NFATC1: variants seen among roughly 807,000 people sequenced by gnomAD.
NFATC1 encodes the protein nuclear factor of activated T-cells, cytoplasmic 1.
Under a neutral mutation model 76.0 loss-of-function variants are expected in NFATC1, and 22 were observed. The observed-to-expected ratio is 0.29, with a 90% CI of 0.21 to 0.41. NFATC1 has a LOEUF of 0.41. NFATC1 is among the 10% of genes least tolerant of loss of function. The pLI is 1.00. For synonymous variants in NFATC1, 704 were observed against 613.1 expected (o/e 1.15, Z -2.19); for missense variants, 1,357 against 1,337.7 (o/e 1.01, Z -0.23).
In NFATC1 at chr18:79,448,797, G is replaced by A. The variant is rs775803764; in HGVS notation, c.1402G>A (p.Glu468Lys). The change falls in exon 4 of 10, where the codon GAG becomes AAG. Residue 468 changes from glutamate (E) to lysine (K), a missense_variant. Physicochemically the swap from Glu to Lys is moderately conservative, Grantham distance 56. This residue lies in a region of NFATC1 where 242 missense variants were observed against 329.2 expected (regional missense o/e 0.74). Transcript: ENST00000427363. ...CTCTCGCCAGCTGCATGGCTACTTGGAGAATGAGCCGCTGATGCTGCAGCT... is the reference window on the plus strand; with the variant it reads ...CTCTCGCCAGCTGCATGGCTACTTGAAGAATGAGCCGCTGATGCTGCAGCT... ...HPIVQLHGYL[E>K]NEPLMLQLFI... 4 of 1,613,510 alleles carry A rather than the reference G, an allele frequency of 2.5e-6. No homozygotes were observed. The highest frequency in any genetic ancestry group is 1.3e-5 in the African/African-American group (1 of 74,952).
chr18:79,427,529 C>T (rs1324388750), intron 2 of NFATC1, among the ~76,000 whole-genome samples: 1 of 7,302 alleles, frequency 1.4e-4, no homozygotes, highest in Non-Finnish European at 2.6e-4. Flanking sequence ...GGCCTCTGTG[C>T]AGTGGGTGGG....
chr18:79,524,321 C>T lies in NFATC1; in HGVS notation c.2783-3207C>T, dbSNP rs1450589624. 1.3e-5 allele frequency among the ~76,000 whole-genome samples: 2 copies of T among 152,232 alleles called. No individual in the cohort carries two copies. Among genetic ancestry groups the T allele is most frequent in the Admixed American group, 6.5e-5 (1 of 15,288 alleles). On this transcript the variant is annotated intron_variant, in intron 9 of 9. Coordinates refer to ENST00000427363, the MANE Select transcript of NFATC1 (RefSeq NM_001278669.2). This position sits in a 1 kb window ranked among gnomAD's most constrained non-coding sequence, Gnocchi z 7.2. ...ACAGGCCGTGTCTGCGGGGCGAGCA[C>T]GGCTCCACGTACGGCTCTCGTCCGC...
At chr18:79,444,844 G>A (rs942580938) in intron 3 of NFATC1, among the ~76,000 whole-genome samples, 2 of 152,184 alleles carry the variant, frequency 1.3e-5, no homozygotes, top group African/African-American at 2.4e-5. Flanking sequence ...CCACACTCAC[G>A]GAGGCTTCTG....
chr18:79,410,576 T>A lies in NFATC1; in HGVS notation c.301T>A (p.Phe101Ile). 6.2e-7 allele frequency: 1 copy of A among 1,611,920 alleles called. No individual in the cohort carries two copies. The highest frequency in any genetic ancestry group is 2.2e-5 in the East Asian group (1 of 44,832). ...TTTGGACGGTGGGCCCGCGGGCTACTTCCTCTCCTCCGGCCACACCAGGCC... is the reference window on the plus strand; with the variant it reads ...TTTGGACGGTGGGCCCGCGGGCTACATCCTCTCCTCCGGCCACACCAGGCC... ...AALDGGPAGY[F>I]LSSGHTRPDG... Residue 101 changes from phenylalanine (F) to isoleucine (I), a missense_variant, in exon 2 of 10, where the codon TTC becomes ATC. By Grantham distance (21) the Phe-to-Ile change is conservative. Transcript: ENST00000427363. This position sits in a 1 kb window ranked among gnomAD's most constrained non-coding sequence, Gnocchi z 6.7.
chr18:79,410,978 C>T lies in NFATC1; in HGVS notation c.703C>T (p.Arg235Trp), dbSNP rs149308374. The change falls in exon 2 of 10, where the codon CGG becomes TGG. Residue 235 changes from arginine (R) to tryptophan (W), a missense_variant. Arg to Trp is a moderately radical substitution (Grantham distance 101). This residue lies in a region of NFATC1 where 691 missense variants were observed against 613.1 expected (regional missense o/e 1.13). Coordinates refer to ENST00000427363, the MANE Select transcript of NFATC1 (RefSeq NM_001278669.2). This position sits in a 1 kb window ranked among gnomAD's most constrained non-coding sequence, Gnocchi z 6.7. ...GGCCTGCACACTGCTGGGTTCCCCG[C>T]GGCACTCCCCCTCCACCTCGCCCCG... ...LGACTLLGSP[R>W]HSPSTSPRAS... The T allele has an allele frequency of 6.5e-5, 104 of 1,603,348 alleles. No homozygotes were observed. Among genetic ancestry groups the T allele is most frequent in the Non-Finnish European group, 8.1e-5 (95 of 1,175,294 alleles).
chr18:79,511,688 C>G (rs757847424), intron 9 of NFATC1, among the ~76,000 whole-genome samples: 11 of 152,144 alleles, frequency 7.2e-5, no homozygotes, highest in Non-Finnish European at 1.5e-4. Flanking sequence ...GGATTTCCCT[C>G]CCAGAGGTGC....
rs781663136 is a variant in NFATC1 at position 79,461,382 on chromosome 18, G to A, written c.1959+16G>A. 56 of 1,453,346 alleles carry A rather than the reference G, an allele frequency of 3.9e-5. No individual in the cohort carries two copies. Among genetic ancestry groups the A allele is most frequent in the Non-Finnish European group, 4.6e-5 (51 of 1,113,316 alleles). 90.0% of individuals were successfully genotyped at this position (1,453,346 alleles called of 1,614,324 possible). On this transcript the variant is annotated intron_variant, in intron 7 of 9. Transcript: ENST00000427363. ...GTGCAAGCCGGTGAGTGCCTTTGGCGCAGCTGGAGCTACTGTGGGTCCCCA... is the reference window on the plus strand; with the variant it reads ...GTGCAAGCCGGTGAGTGCCTTTGGCACAGCTGGAGCTACTGTGGGTCCCCA...
At chr18:79,492,839 A>C (rs1466194399) in intron 9 of NFATC1, among the ~76,000 whole-genome samples, 3 of 144,430 alleles carry the variant, frequency 2.1e-5, no homozygotes, top group African/African-American at 7.8e-5. Flanking sequence ...TCGCCACTGC[A>C]CTCCAGCCTG....
At chr18:79,413,038 A>G (rs8086439) in intron 2 of NFATC1, among the ~76,000 whole-genome samples, 12,804 of 152,280 alleles carry the variant, frequency 0.084, 750 homozygotes, top group Non-Finnish European at 0.12. Context: ...CTGCTGTACT[A>G]TCACTGTTAT....
At chr18:79,407,587 A>C (rs1034219587) in intron 1 of NFATC1, among the ~76,000 whole-genome samples, 40 of 152,288 alleles carry the variant, frequency 2.6e-4, no homozygotes, top group African/African-American at 9.4e-4. Flanking sequence ...AGCTGGGACT[A>C]CAGGCGTGCG....
intron 3 of NFATC1, among the ~76,000 whole-genome samples, chr18:79,444,693 G>A (rs541684639): frequency 6.6e-5 from 10 of 151,286 alleles, no homozygotes; most frequent in Admixed American, 2.6e-4. Flanking sequence ...GCCCGACCCC[G>A]CAGACCACAC....
At chr18:79,417,769 T>C (rs1165193038) in intron 2 of NFATC1, among the ~76,000 whole-genome samples, 2 of 7,538 alleles carry the variant, frequency 2.7e-4, no homozygotes, top group Non-Finnish European at 5.4e-4. Flanking sequence ...TGGGCTGTGG[T>C]GGGAGATGGG....
chr18:79,504,366 G>A (rs2090078263), intron 9 of NFATC1, among the ~76,000 whole-genome samples: 1 of 152,204 alleles, frequency 6.6e-6, no homozygotes, highest in Admixed American at 6.5e-5. Flanking sequence ...TGTCAGTATG[G>A]TTGTGTCTCA....
At chr18:79,479,807 G>C (rs1421371004) in intron 8 of NFATC1, among the ~76,000 whole-genome samples, 14 of 152,242 alleles carry the variant, frequency 9.2e-5, no homozygotes. Flanking sequence ...TCGCGGCAGT[G>C]CCCCTTAGGG....
In NFATC1 at chr18:79,463,741, T is replaced by TGCCTG. The variant is rs368568956; in HGVS notation, c.1959+2380_1959+2384dup. On this transcript the variant is annotated intron_variant, in intron 7 of 9. Transcript: ENST00000427363. ...TCTGCCTGCAGGCAGTGTACCCTGGTGCCTGGCCTCGTGCTGCCTACCCTC... is the reference window on the plus strand; with the variant it reads ...TCTGCCTGCAGGCAGTGTACCCTGGTGCCTGGCCTGGCCTCGTGCTGCCTACCCTC... Among the ~76,000 whole-genome samples the TGCCTG allele has an allele frequency of 5.1e-3, 781 of 152,354 alleles. 9 individuals are homozygous for TGCCTG. The highest frequency in any genetic ancestry group is 0.017 in the African/African-American group (724 of 41,588).
intron 2 of NFATC1, among the ~76,000 whole-genome samples, chr18:79,412,209 G>T (rs547877387): frequency 6.6e-6 from 1 of 152,330 alleles, no homozygotes; most frequent in Non-Finnish European, 1.5e-5. Context: ...AACCAGCTTG[G>T]TGTTTTTATC....
At chr18:79,441,674 T>C (rs1273619530) in intron 3 of NFATC1, among the ~76,000 whole-genome samples, 1 of 152,074 alleles carries the variant, frequency 6.6e-6, no homozygotes, top group Non-Finnish European at 1.5e-5. Flanking sequence ...TGCCGCTTGG[T>C]GTCAGGCGAC....
At chr18:79,485,320 G>A (rs1276560859) in intron 8 of NFATC1, among the ~76,000 whole-genome samples, 1 of 152,382 alleles carries the variant, frequency 6.6e-6, no homozygotes, top group Admixed American at 6.5e-5. Flanking sequence ...GTGCGCCATT[G>A]TGAGAGCTTT....
intron 7 of NFATC1, among the ~76,000 whole-genome samples, chr18:79,464,694 A>ATATT (rs1568994689): frequency 9.4e-6 from 1 of 106,718 alleles, no homozygotes; most frequent in African/African-American, 4.9e-5. Flanking sequence ...ATATATATAT[A>ATATT]TTTATTTATT....
Sources: gnomAD v4.1 joint callset for allele counts (sites outside exome capture counted in the v4.1 genomes callset) on GRCh38, gnomAD v4.1.1 for gene constraint, gnomAD v4.1.1 regional missense constraint, Gnocchi (gnomAD v3.1) non-coding constraint, MANE v1.5 for transcripts, NCBI Gene and HGNC (gene_info 2026-07-23, HGNC 2026-07-21) for gene names.